Variants in BICC1 observed in about 807,000 individuals in gnomAD.
The protein encoded by BICC1 is protein bicaudal C homolog 1.
BICC1 carries 43 observed loss-of-function variants against 111.0 expected under a neutral mutation model. The observed-to-expected ratio is 0.39, with a 90% CI of 0.30 to 0.50. BICC1 has a LOEUF of 0.50. BICC1 is among the 20% of genes least tolerant of loss of function. The pLI, the probability that BICC1 is intolerant of heterozygous loss-of-function variation, is 0.88. For synonymous variants in BICC1, 467 were observed against 434.4 expected, an observed-to-expected ratio of 1.07 and a Z score of -0.93; for missense variants, 1,091 against 1,203.2, an observed-to-expected ratio of 0.91 and a Z score of 1.38.
intron 15 of BICC1, among the ~76,000 whole-genome samples, chr10:58,805,180 C>G (rs986151990): frequency 8.6e-5 from 13 of 152,038 alleles, no homozygotes; most frequent in African/African-American, 3.1e-4. Context: ...GTAGTCTCAG[C>G]TACTTGGGAG....
At chr10:58,814,783 G>A (rs1312118252) in intron 18 of BICC1, among the ~76,000 whole-genome samples, 3 of 151,672 alleles carry the variant, frequency 2.0e-5, no homozygotes, top group East Asian at 1.9e-4. Context: ...GTGACAGAGC[G>A]AGACCCTGTC....
chr10:58,629,710 A>G (rs1588948903), intron 2 of BICC1, among the ~76,000 whole-genome samples: 1 of 152,304 alleles, frequency 6.6e-6, no homozygotes, highest in East Asian at 1.9e-4. Flanking sequence ...GATTTACAGT[A>G]ATGATTTGTT....
intron 1 of BICC1, among the ~76,000 whole-genome samples, chr10:58,522,104 A>G (rs1258247349): frequency 6.6e-6 from 1 of 151,910 alleles, no homozygotes; most frequent in Non-Finnish European, 1.5e-5. Context: ...TATGTTGTTT[A>G]TAGTGGCTTG....
At position 58,512,948 on chromosome 10, in the gene BICC1, T is replaced by C. The variant is rs112597538; in HGVS notation, c.-196T>C. Among the ~76,000 whole-genome samples, 74,883 of 146,672 alleles carry C rather than the reference T, an allele frequency of 0.51. 19,538 individuals are homozygous for C. Among genetic ancestry groups the C allele is most frequent in the African/African-American group, 0.61 (24,812 of 40,872 alleles). On this transcript the variant is annotated 5_prime_UTR_variant, in exon 1 of 21. Coordinates refer to ENST00000373886, the MANE Select transcript of BICC1 (RefSeq NM_001080512.3). Reference sequence around the variant, plus strand: ...CGGGGCCGCGACCCGGGGTGGCGGGTGGCGTGGGCGGCGCCCGGGGCTGGG... The same window carrying C: ...CGGGGCCGCGACCCGGGGTGGCGGGCGGCGTGGGCGGCGCCCGGGGCTGGG...
At chr10:58,754,560 C>A (rs1842085758) in intron 3 of BICC1, among the ~76,000 whole-genome samples, 1 of 152,322 alleles carries the variant, frequency 6.6e-6, no homozygotes, top group Non-Finnish European at 1.5e-5. Flanking sequence ...ATTCTGATTT[C>A]TTCGTAGCTT....
At chr10:58,587,078 T>C (rs1386739440) in intron 1 of BICC1, among the ~76,000 whole-genome samples, 1 of 152,180 alleles carries the variant, frequency 6.6e-6, no homozygotes, top group African/African-American at 2.4e-5. Flanking sequence ...CACGTATGTC[T>C]CATATATAAT....
chr10:58,715,460 G>A, intron 3 of BICC1: 2 of 733,120 alleles, frequency 2.7e-6, no homozygotes, highest in South Asian at 2.9e-5. Flanking sequence ...AGAGCAGAGT[G>A]GGGAGGCGGC....
intron 1 of BICC1, among the ~76,000 whole-genome samples, chr10:58,517,999 T>G (rs1842287104): frequency 1.4e-5 from 2 of 145,596 alleles, no homozygotes; most frequent in Non-Finnish European, 3.0e-5. Context: ...AATATTATTA[T>G]TGGCCTCCCT....
At chr10:58,539,303 A>G (rs1190269681) in intron 1 of BICC1, among the ~76,000 whole-genome samples, 2 of 151,768 alleles carry the variant, frequency 1.3e-5, no homozygotes, top group South Asian at 2.1e-4. Context: ...TCTAAATCCA[A>G]CATGTTCTCA....
At chr10:58,645,648 G>A (rs1234939966) in intron 2 of BICC1, among the ~76,000 whole-genome samples, 1 of 152,012 alleles carries the variant, frequency 6.6e-6, no homozygotes, top group Non-Finnish European at 1.5e-5. Context: ...ATTTGAACTC[G>A]AAATACAGAA....
At position 58,785,158 on chromosome 10, in the gene BICC1, A is replaced by C. The variant is rs1427708429; in HGVS notation, c.387+78A>C. On this transcript the variant is annotated intron_variant, in intron 4 of 20. Coordinates refer to ENST00000373886, the MANE Select transcript of BICC1 (RefSeq NM_001080512.3). ...TACTTCATGCCGTTATGAAAGAACC[A>C]TTTGGAGAAGAAAAACCAGGAGAAA... 4 of 780,010 alleles carry C rather than the reference A, an allele frequency of 5.1e-6. No individual in the cohort carries two copies. The African/African-American group carries it at 7.2e-5, about 14-fold the overall frequency. 48.3% of individuals were successfully genotyped at this position (780,010 alleles called of 1,614,324 possible).
At chr10:58,647,306 C>G (rs966766644) in intron 2 of BICC1, among the ~76,000 whole-genome samples, 49 of 151,992 alleles carry the variant, frequency 3.2e-4, no homozygotes, top group African/African-American at 1.2e-3. Flanking sequence ...CAGAATATTC[C>G]AAATTTCTAC....
chr10:58,781,304 CCT>C (rs1337613381), intron 3 of BICC1, among the ~76,000 whole-genome samples: 1 of 152,156 alleles, frequency 6.6e-6, no homozygotes, highest in African/African-American at 2.4e-5. Flanking sequence ...ACTTCCATCT[CCT>C]CTCTCTGTAT....
intron 2 of BICC1, among the ~76,000 whole-genome samples, chr10:58,689,497 T>C (rs927178761): frequency 2.0e-5 from 3 of 152,194 alleles, no homozygotes; most frequent in African/African-American, 7.2e-5. Context: ...GTCAAGGAGC[T>C]GGTGGCATAA....
intron 6 of BICC1, 67 bp from the exon 7 acceptor site, chr10:58,789,195 A>G: frequency 1.5e-6 from 2 of 1,322,424 alleles, no homozygotes; most frequent in Non-Finnish European, 2.1e-6. Flanking sequence ...GAACCAATGA[A>G]TGATACACAT....
intron 1 of BICC1, among the ~76,000 whole-genome samples, chr10:58,570,955 G>T (rs1472602760): frequency 6.6e-6 from 1 of 152,104 alleles, no homozygotes; most frequent in Admixed American, 6.6e-5. Flanking sequence ...CTCTTTTTGG[G>T]TAGAAATGTT....
intron 3 of BICC1, among the ~76,000 whole-genome samples, chr10:58,731,366 A>G (rs12161716): frequency 0.01 from 1,561 of 152,172 alleles, 10 homozygotes; most frequent in Middle Eastern, 0.037. Context: ...ACTTCCCTTC[A>G]TCTTCCCCCT....
rs1844330246 is a variant in BICC1, at chr10:58,824,185, G to C, written c.2794+3717G>C. 2.0e-5 allele frequency: 15 copies of C among 737,020 alleles called. No individual in the cohort carries two copies. In the South Asian group the frequency reaches 7.4e-4, roughly 36 times the overall value. The allele number at this position is 737,020 out of a possible 1,614,324, so 45.7% of individuals were successfully genotyped here. A position where few individuals can be genotyped will look rare whatever the true frequency, so the allele number is the denominator to read the frequency against. On this transcript the variant is annotated intron_variant, in intron 20 of 20. Transcript: ENST00000373886. ...GTGGGTCACTGAAGGCCAGTGCTCA[G>C]GGCATTGACCTTTCCATCAAGCATG...
chr10:58,646,060 A>G (rs527688916), intron 2 of BICC1, among the ~76,000 whole-genome samples: 1 of 151,370 alleles, frequency 6.6e-6, no homozygotes, highest in African/African-American at 2.4e-5. Context: ...TTAGATTTGC[A>G]ATGCTTTTTT....
Sources: gnomAD v4.1 joint callset for allele counts (sites outside exome capture counted in the v4.1 genomes callset) on GRCh38, gnomAD v4.1.1 for gene constraint, MANE v1.5 for transcripts, NCBI Gene and HGNC (gene_info 2026-07-23, HGNC 2026-07-21) for gene names.